The following EVC2 variants were observed in gnomAD, a reference collection of about 807,000 sequenced individuals.
EVC2 encodes EvC ciliary complex subunit 2, also known as limbin.
In EVC2, 148 loss-of-function variants were observed where a neutral mutation model predicts 149.3. The observed-to-expected ratio is 0.99, with a 90% CI of 0.87 to 1.14. EVC2 has a LOEUF of 1.14. EVC2 is among the 50% of genes most tolerant of loss of function. The pLI is 0.00. For missense variants in EVC2, 1,854 were observed against 1,627.3 expected, an observed-to-expected ratio of 1.14 and a Z score of -2.40; for synonymous variants, 776 against 649.9, an observed-to-expected ratio of 1.19 and a Z score of -2.95.
At chr4:5,609,611 C>G (rs1176378059) in intron 16 of EVC2, among the ~76,000 whole-genome samples, 1 of 152,170 alleles carries the variant, frequency 6.6e-6, no homozygotes, top group East Asian at 1.9e-4. Context: ...CAGCCCACTC[C>G]AAAGTTAAAA....
chr4:5,530,651 A>T, the EVC2 span, among the ~76,000 whole-genome samples: 1 of 152,154 alleles, frequency 6.6e-6, no homozygotes, highest in African/African-American at 2.4e-5. Context: ...ATCCTACATG[A>T]CTGCAAGTTT....
rs556108068 is a variant in EVC2 at position 5,696,384 on chromosome 4, C to T, written c.283+1209G>A. On this transcript the variant is annotated intron_variant, in intron 2 of 21. Coordinates refer to ENST00000344408, the MANE Select transcript of EVC2 (RefSeq NM_147127.5). This position sits in a 1 kb window ranked among gnomAD's most constrained non-coding sequence, Gnocchi z 4.1. ...TCTACAGAGCCAAGTGGGGCCCACC[C>T]GAATCCCAGCCCATCCCATTCCCCA... is the stretch of plus-strand genomic sequence containing the variant. Among the ~76,000 whole-genome samples, 27 of 152,278 alleles carry T rather than the reference C, an allele frequency of 1.8e-4. No homozygotes were observed. In the South Asian group the frequency reaches 4.6e-3, roughly 26 times the overall value.
chr4:5,588,458 G>C (rs948381860), intron 16 of EVC2, among the ~76,000 whole-genome samples: 2 of 152,098 alleles, frequency 1.3e-5, no homozygotes, highest in Non-Finnish European at 2.9e-5. Flanking sequence ...CAAAATTTTA[G>C]CCGTTAATTC....
intron 17 of EVC2, among the ~76,000 whole-genome samples, chr4:5,579,557 C>T (rs1229488141): frequency 2.6e-5 from 4 of 152,026 alleles, no homozygotes; most frequent in Middle Eastern, 3.2e-3. Context: ...CAGAAGATGC[C>T]GAGGCTGGGC....
rs568857483 is a variant in EVC2 at position 5,651,708 on chromosome 4, C to T, written c.1146-10870G>A. Among the ~76,000 whole-genome samples the T allele has an allele frequency of 4.4e-4, 67 of 152,324 alleles. No homozygotes were observed. The South Asian group carries it at 0.012, about 27-fold the overall frequency. On this transcript the variant is annotated intron_variant, in intron 9 of 21. Coordinates refer to ENST00000344408, the MANE Select transcript of EVC2 (RefSeq NM_147127.5). Reference sequence around the variant, plus strand: ...CTAAGTAAGTCACCTTTCCAACCAACACCTGGGCTTTCTGAACATCTTCTC... The same window carrying T: ...CTAAGTAAGTCACCTTTCCAACCAATACCTGGGCTTTCTGAACATCTTCTC...
chr4:5,688,488 A>G (rs1720871224), intron 5 of EVC2, among the ~76,000 whole-genome samples: 2 of 152,152 alleles, frequency 1.3e-5, no homozygotes, highest in African/African-American at 2.4e-5. Flanking sequence ...TAAGAATAAA[A>G]GATGTCTTTG....
chr4:5,535,105 C>T, the EVC2 span, among the ~76,000 whole-genome samples: 1 of 152,106 alleles, frequency 6.6e-6, no homozygotes, highest in African/African-American at 2.4e-5. This position sits in a 1 kb window ranked among gnomAD's most constrained non-coding sequence, Gnocchi z 4.7. Context: ...TCAAAGAATA[C>T]CATATCCAGG....
intron 8 of EVC2, 83 bp from the exon 9 acceptor site, chr4:5,663,329 G>T: frequency 1.3e-6 from 2 of 1,593,684 alleles, no homozygotes; most frequent in Non-Finnish European, 8.6e-7. Flanking sequence ...GGAAGGCCAG[G>T]GGTCTGCAGT....
At chr4:5,663,346 A>G (rs1577223539) in intron 8 of EVC2, 100 bp from the exon 9 acceptor site, 4 of 1,524,958 alleles carry the variant, frequency 2.6e-6, no homozygotes, top group Non-Finnish European at 3.6e-6. Flanking sequence ...CAGTCTGAGC[A>G]CCCAATCAGC....
intron 21 of EVC2, among the ~76,000 whole-genome samples, chr4:5,546,552 C>T (rs1721627460): frequency 6.6e-6 from 1 of 151,820 alleles, no homozygotes. Flanking sequence ...ACATCACACA[C>T]CAGGGACCAT....
chr4:5,618,522 C>T lies in EVC2; in HGVS notation c.2662G>A (p.Glu888Lys). 1 of 1,613,992 alleles carries T rather than the reference C, an allele frequency of 6.2e-7. No homozygotes were observed. Among genetic ancestry groups the T allele is most frequent in the Non-Finnish European group, 8.5e-7 (1 of 1,180,042 alleles). The change falls in exon 15 of 22, where the codon GAG becomes AAG. Residue 888 changes from glutamate (E) to lysine (K), a missense_variant. Physicochemically the swap from Glu to Lys is moderately conservative, Grantham distance 56. Transcript: ENST00000344408. The surrounding 1 kb of genome is among the most constrained non-coding windows in gnomAD (Gnocchi z 4.4). ...ACGGCCTGGTCCAGCTTCACGAACTCTGCTTCTCGCCACGCAGTCTGAAAT... is the reference window on the plus strand; with the variant it reads ...ACGGCCTGGTCCAGCTTCACGAACTTTGCTTCTCGCCACGCAGTCTGAAAT... ...QQFQTAWREAEFVKLDQAVAA... is the reference protein window; with the variant it reads ...QQFQTAWREAKFVKLDQAVAA...
chr4:5,531,734 G>C, the EVC2 span, among the ~76,000 whole-genome samples: 2 of 151,944 alleles, frequency 1.3e-5, no homozygotes, highest in East Asian at 3.9e-4. Context: ...GACAAGCTTG[G>C]AGCTCCCACT....
At position 5,584,825 on chromosome 4, in the gene EVC2, C is replaced by CT; in HGVS notation, c.2854dup (p.Arg952LysfsTer52). On this transcript the variant is annotated frameshift_variant, in exon 17 of 22. Transcript: ENST00000344408. LOFTEE classifies it high-confidence loss of function. ...CTCCTGTGCCTCCATCCGCTGCACTCTCTCCCGCAGCAATTCACCTCGAAC... is the reference window on the plus strand; with the variant it reads ...CTCCTGTGCCTCCATCCGCTGCACTCTTCTCCCGCAGCAATTCACCTCGAAC... 5 of 1,614,188 alleles carry CT rather than the reference C, an allele frequency of 3.1e-6. No individual in the cohort carries two copies. The highest frequency in any genetic ancestry group is 4.2e-6 in the Non-Finnish European group (5 of 1,180,038).
chr4:5,598,515 T>C (rs1218718145), intron 16 of EVC2, among the ~76,000 whole-genome samples: 1 of 152,202 alleles, frequency 6.6e-6, no homozygotes, highest in Non-Finnish European at 1.5e-5. Context: ...TGGCTAGTCA[T>C]ATGGAAAAAG....
At chr4:5,590,100 C>A (rs538607820) in intron 16 of EVC2, among the ~76,000 whole-genome samples, 1 of 152,114 alleles carries the variant, frequency 6.6e-6, no homozygotes, top group Non-Finnish European at 1.5e-5. Context: ...GGGGGCCCTA[C>A]AGAGACTTGT....
rs549450177 is a variant in EVC2, at chr4:5,567,035, C to T, written c.3557+1409G>A. ...GAGGAGCGTAGCATAGAGCATGTAACTGTCATCCTGTCACTGGACATTCCG... is the reference window on the plus strand; with the variant it reads ...GAGGAGCGTAGCATAGAGCATGTAATTGTCATCCTGTCACTGGACATTCCG... On this transcript the variant is annotated intron_variant, in intron 20 of 21. Coordinates refer to ENST00000344408, the MANE Select transcript of EVC2 (RefSeq NM_147127.5). This position sits in a 1 kb window ranked among gnomAD's most constrained non-coding sequence, Gnocchi z 4.4. Among the ~76,000 whole-genome samples, 65 of 152,304 alleles carry T rather than the reference C, an allele frequency of 4.3e-4. No individual in the cohort carries two copies. The highest frequency in any genetic ancestry group is 1.6e-3 in the African/African-American group (65 of 41,566).
At chr4:5,662,296 G>C (rs1718930550) in intron 9 of EVC2, among the ~76,000 whole-genome samples, 1 of 151,502 alleles carries the variant, frequency 6.6e-6, no homozygotes, top group African/African-American at 2.4e-5. Context: ...ATGAGTACTA[G>C]ACTTAATACC....
chr4:5,614,489 G>A lies in EVC2; in HGVS notation c.2829+933C>T, dbSNP rs1560165639. The stretch of plus-strand genomic sequence containing the variant: ...GAGTTGGAAGTGGGGTGGAATGAGT[G>A]GGAGAATCTACGGTGTTCGGGTAAG... On this transcript the variant is annotated intron_variant, in intron 16 of 21. Transcript: ENST00000344408. This position sits in a 1 kb window ranked among gnomAD's most constrained non-coding sequence, Gnocchi z 4.7. 1.3e-5 allele frequency among the ~76,000 whole-genome samples: 2 copies of A among 152,172 alleles called. No homozygotes were observed. Among genetic ancestry groups the A allele is most frequent in the East Asian group, 1.9e-4 (1 of 5,182 alleles).
In EVC2 at chr4:5,568,479, A is replaced by T. The variant is rs750404150; in HGVS notation, c.3522T>A (p.Asp1174Glu). 4 of 1,578,172 alleles carry T rather than the reference A, an allele frequency of 2.5e-6. No homozygotes were observed. Among genetic ancestry groups the T allele is most frequent in the Non-Finnish European group, 3.4e-6 (4 of 1,169,516 alleles). ...CCACGTCGGCCTGCTCCGCTCCGCC[A>T]TCGCTCTCAGCTGCGTGGTCCACAT... ...ERHVDHAAES[D>E]GGAEQADVGR... Residue 1174 changes from aspartate (D) to glutamate (E), a missense_variant, in exon 20 of 22, where the codon GAT becomes GAA. Transcript: ENST00000344408.
Sources: gnomAD v4.1 joint callset for allele counts (sites outside exome capture counted in the v4.1 genomes callset) on GRCh38, gnomAD v4.1.1 for gene constraint, Gnocchi (gnomAD v3.1) non-coding constraint, MANE v1.5 for transcripts, NCBI Gene and HGNC (gene_info 2026-07-23, HGNC 2026-07-21) for gene names.